Variants in GPC6 observed in about 807,000 individuals in gnomAD.
GPC6 encodes glypican-6.
Under a neutral mutation model 55.2 loss-of-function variants are expected in GPC6, and 14 were observed. That is an observed-to-expected ratio of 0.25 (90% CI 0.17 to 0.40). GPC6 has a LOEUF of 0.40. Among genes scored for constraint, GPC6 ranks in the 10% least tolerant of loss-of-function variants. The probability of loss-of-function intolerance (pLI) is 1.00; values close to 1 mark genes in which losing one functional copy is unlikely to be tolerated. For missense variants in GPC6, 641 were observed against 708.5 expected, an observed-to-expected ratio of 0.90 and a Z score of 1.08; for synonymous variants, 278 against 259.6, an observed-to-expected ratio of 1.07 and a Z score of -0.68.
intron 4 of GPC6, among the ~76,000 whole-genome samples, chr13:94,172,059 G>GC (rs995790819): frequency 6.6e-6 from 1 of 152,022 alleles, no homozygotes; most frequent in Non-Finnish European, 1.5e-5. Context: ...TTGTTTAAAT[G>GC]CCCCCCAAAT....
chr13:93,217,404 A>G, the GPC6 span, among the ~76,000 whole-genome samples: 8 of 152,202 alleles, frequency 5.3e-5, no homozygotes, highest in Admixed American at 2.6e-4. Flanking sequence ...TGCACAGTCT[A>G]AAGTATTTTT....
intron 1 of GPC6, among the ~76,000 whole-genome samples, chr13:93,409,495 G>A (rs529054353): frequency 1.3e-5 from 2 of 152,196 alleles, no homozygotes; most frequent in East Asian, 3.9e-4. Flanking sequence ...ACTGAAAAAG[G>A]GAAGGTGTTG....
intron 3 of GPC6, among the ~76,000 whole-genome samples, chr13:93,892,686 GAC>G (rs1411674431): frequency 1.3e-5 from 2 of 152,088 alleles, no homozygotes; most frequent in Non-Finnish European, 2.9e-5. Flanking sequence ...GATGCCAAGA[GAC>G]ACACAGATAA....
intron 6 of GPC6, among the ~76,000 whole-genome samples, chr13:94,343,401 C>A (rs1404052157): frequency 6.6e-6 from 1 of 152,140 alleles, no homozygotes; most frequent in African/African-American, 2.4e-5. Context: ...TGGGGCTGAT[C>A]CCTCCTTTGG....
At chr13:93,803,752 TA>T (rs978027969) in intron 2 of GPC6, among the ~76,000 whole-genome samples, 3 of 152,140 alleles carry the variant, frequency 2.0e-5, no homozygotes, top group Admixed American at 6.6e-5. Flanking sequence ...TATTTAGTCA[TA>T]AAAAAGTGAA....
rs928712994 is a variant in GPC6 at position 93,642,112 on chromosome 13, A to G, written c.319+96691A>G. Among the ~76,000 whole-genome samples, 13 of 152,178 alleles carry G rather than the reference A, an allele frequency of 8.5e-5. No homozygotes were observed. In the East Asian group the frequency reaches 2.1e-3, roughly 25 times the overall value. On this transcript the variant is annotated intron_variant, in intron 2 of 8. Transcript: ENST00000377047. ...TGAACTGGTCACCCAGGAAGTGACCATAGTATCCAATAGGTAGTGTTTAGC... is the reference window on the plus strand; with the variant it reads ...TGAACTGGTCACCCAGGAAGTGACCGTAGTATCCAATAGGTAGTGTTTAGC...
At chr13:93,427,799 C>T (rs974260672) in intron 1 of GPC6, among the ~76,000 whole-genome samples, 5 of 152,058 alleles carry the variant, frequency 3.3e-5, no homozygotes, top group Admixed American at 1.3e-4. Flanking sequence ...AATGAGTGCA[C>T]GATGGTTGTG....
intron 3 of GPC6, among the ~76,000 whole-genome samples, chr13:93,931,765 GAAAAAAAAAAAA>G (rs545578327): frequency 0.097 from 4,820 of 49,768 alleles, 119 homozygotes; most frequent in Middle Eastern, 0.19. Context: ...CTCTGTCTCA[GAAAAAAAAAAAA>G]AAAAAAAAAA....
At chr13:94,292,618 G>A (rs1445163193) in intron 5 of GPC6, among the ~76,000 whole-genome samples, 1 of 151,328 alleles carries the variant, frequency 6.6e-6, no homozygotes, top group East Asian at 1.9e-4. Flanking sequence ...TCTCTCTTAT[G>A]TATCTCTTAT....
intron 4 of GPC6, among the ~76,000 whole-genome samples, chr13:94,266,147 T>TCTTC (rs201544115): frequency 8.8e-5 from 9 of 101,938 alleles, no homozygotes; most frequent in East Asian, 6.3e-4. Flanking sequence ...TTTACTTTTC[T>TCTTC]TTTCTTTTTT....
intron 4 of GPC6, among the ~76,000 whole-genome samples, chr13:94,251,322 G>A (rs542762116): frequency 9.9e-5 from 15 of 151,714 alleles, no homozygotes; most frequent in African/African-American, 3.1e-4. Context: ...GCAAAGCGGG[G>A]GAGAGCATTA....
At chr13:93,985,689 C>CAAAAAAAAAAAAAAAAA (rs34003218) in intron 3 of GPC6, among the ~76,000 whole-genome samples, 1 of 69,400 alleles carries the variant, frequency 1.4e-5, no homozygotes, top group Non-Finnish European at 2.5e-5. Context: ...AAGACCTGGC[C>CAAAAAAAAAAAAAAAAA]AAAAAAAAAA....
intron 2 of GPC6, among the ~76,000 whole-genome samples, chr13:93,706,702 A>G (rs957789383): frequency 6.6e-6 from 1 of 151,884 alleles, no homozygotes; most frequent in Non-Finnish European, 1.5e-5. Flanking sequence ...GTTGGGGTCC[A>G]GTCATTCATT....
chr13:93,982,007 C>A (rs1181274208), intron 3 of GPC6, among the ~76,000 whole-genome samples: 1 of 152,016 alleles, frequency 6.6e-6, no homozygotes, highest in African/African-American at 2.4e-5. Flanking sequence ...CACTGCAGAA[C>A]CCCTTCTTTA....
intron 4 of GPC6, among the ~76,000 whole-genome samples, chr13:94,043,440 A>G (rs1883612212): frequency 6.6e-6 from 1 of 151,902 alleles, no homozygotes; most frequent in Non-Finnish European, 1.5e-5. Flanking sequence ...ACACATACCT[A>G]TCATTCACCT....
intron 4 of GPC6, among the ~76,000 whole-genome samples, chr13:94,227,940 T>C (rs1890608954): frequency 6.6e-6 from 1 of 152,160 alleles, no homozygotes; most frequent in South Asian, 2.1e-4. Flanking sequence ...AGTTCCTCAG[T>C]AGTCCAACTG....
At chr13:93,461,018 G>A (rs1034267427) in intron 1 of GPC6, among the ~76,000 whole-genome samples, 3 of 152,148 alleles carry the variant, frequency 2.0e-5, no homozygotes, top group African/African-American at 7.2e-5. Context: ...GCATTGGTAA[G>A]GAGTAAATAC....
chr13:93,623,080 T>G (rs1472863743), intron 2 of GPC6, among the ~76,000 whole-genome samples: 1 of 152,232 alleles, frequency 6.6e-6, no homozygotes, highest in Non-Finnish European at 1.5e-5. Flanking sequence ...CCACCACAAA[T>G]AACAGGACTT....
At chr13:93,251,074 C>T (rs1459209085) in intron 1 of GPC6, among the ~76,000 whole-genome samples, 2 of 152,122 alleles carry the variant, frequency 1.3e-5, no homozygotes, top group Admixed American at 1.3e-4. Flanking sequence ...ATGGAGGAAA[C>T]CATCCCCATG....
Sources: gnomAD v4.1 joint callset for allele counts (sites outside exome capture counted in the v4.1 genomes callset) on GRCh38, gnomAD v4.1.1 for gene constraint, MANE v1.5 for transcripts, NCBI Gene and HGNC (gene_info 2026-07-23, HGNC 2026-07-21) for gene names.